Variants in MID1 observed in about 807,000 individuals in gnomAD.
The protein encoded by MID1 is midline 1.
In MID1, 7 loss-of-function variants were observed where a neutral mutation model predicts 40.4. That is an observed-to-expected ratio of 0.17 (90% CI 0.10 to 0.33). The LOEUF (loss-of-function observed/expected upper bound fraction) is 0.33, where lower values mean the gene tolerates loss of function less well. MID1 is among the 10% of genes least tolerant of loss of function. The probability of loss-of-function intolerance (pLI) is 1.00; values close to 1 mark genes in which losing one functional copy is unlikely to be tolerated. For synonymous variants in MID1, 229 were observed against 221.2 expected (o/e 1.04, Z -0.31); for missense variants, 367 against 558.5 (o/e 0.66, Z 3.46).
chrX:10,699,459 C>T (rs2043181401), intron 1 of MID1, among the ~76,000 whole-genome samples: 1 of 112,024 alleles, frequency 8.9e-6, no homozygotes, highest in Non-Finnish European at 1.9e-5. Flanking sequence ...TTTGAGAAAC[C>T]GTTCCATTGT....
intron 1 of MID1, among the ~76,000 whole-genome samples, chrX:10,680,007 A>T (rs2043048510): frequency 8.9e-6 from 1 of 112,465 alleles, no homozygotes; most frequent in Non-Finnish European, 1.9e-5. Flanking sequence ...CATGGCACTT[A>T]AAAACTTTGC....
intron 4 of MID1, among the ~76,000 whole-genome samples, chrX:10,493,394 C>T (rs6640659): frequency 0.069 from 7,704 of 111,171 alleles, 556 homozygotes; most frequent in African/African-American, 0.21. Flanking sequence ...CCTTGACTGT[C>T]GATTTTGTTT....
intron 3 of MID1, chrX:10,501,636 C>A (rs1372514404): frequency 7.0e-6 from 6 of 861,471 alleles, no homozygotes; most frequent in Non-Finnish European, 8.0e-6. Flanking sequence ...CCTGCCTAGT[C>A]CTGAGATGGA....
rs767955286 is a variant in MID1 at position 10,734,552 on chromosome X, A to T, written c.-187+99002T>A. Among the ~76,000 whole-genome samples the T allele has an allele frequency of 1.1e-4, 10 of 87,632 alleles. No homozygotes were observed. In the East Asian group the frequency reaches 2.7e-3, roughly 24 times the overall value. The allele number at this position is 87,632 out of a possible 115,157, so 76.1% of individuals were successfully genotyped here. On this transcript the variant is annotated intron_variant, in intron 1 of 10. Transcript: ENST00000380785. ...TACCCCTGAATCTAAAATAAAAGTTAAAAAAAAAAAAAGGTGAATGGCTAA... is the reference window on the plus strand; with the variant it reads ...TACCCCTGAATCTAAAATAAAAGTTTAAAAAAAAAAAAGGTGAATGGCTAA...
chrX:10,822,808 ACAGT>A (rs1569179163), intron 1 of MID1, among the ~76,000 whole-genome samples: 1 of 111,911 alleles, frequency 8.9e-6, no homozygotes, highest in Non-Finnish European at 1.9e-5. Context: ...CAACTATTAA[ACAGT>A]CAAAGAACAA....
chrX:10,704,727 T>TACACACACAC (rs1215958397), intron 1 of MID1, among the ~76,000 whole-genome samples: 12 of 84,019 alleles, frequency 1.4e-4, no homozygotes, highest in African/African-American at 6.0e-4. Context: ...TATATATATA[T>TACACACACAC]ATATATATAT....
chrX:10,499,053 C>T (rs951798221), intron 3 of MID1, among the ~76,000 whole-genome samples: 1 of 112,195 alleles, frequency 8.9e-6, no homozygotes, highest in Non-Finnish European at 1.9e-5. Context: ...ATTTTATATT[C>T]CCATCAGAAA....
intron 1 of MID1, among the ~76,000 whole-genome samples, chrX:10,821,424 C>T (rs985878451): frequency 8.9e-6 from 1 of 112,068 alleles, no homozygotes; most frequent in African/African-American, 3.2e-5. Flanking sequence ...AAGATTAAAA[C>T]AGCCTTGTCA....
intron 2 of MID1, among the ~76,000 whole-genome samples, chrX:10,560,720 G>A (rs999875413): frequency 8.1e-5 from 9 of 111,258 alleles, no homozygotes; most frequent in African/African-American, 2.9e-4. Context: ...GGAAATAAGA[G>A]AGGACACAAA....
At chrX:10,826,441 A>T (rs1402871050) in intron 1 of MID1, among the ~76,000 whole-genome samples, 2 of 112,125 alleles carry the variant, frequency 1.8e-5, no homozygotes, top group East Asian at 5.6e-4. Flanking sequence ...TTTTGTAATT[A>T]CTTTTAACTG....
Position 10,536,962 on chromosome X carries a change from A to G in MID1, c.661-13775T>C, listed in dbSNP as rs186334913. 4.2e-3 allele frequency among the ~76,000 whole-genome samples: 470 copies of G among 111,704 alleles called. 4 individuals are homozygous for G. Among genetic ancestry groups the G allele is most frequent in the African/African-American group, 0.014 (445 of 30,753 alleles). ...TGAAGAGAGAGCTAGAGAAGGTGTA[A>G]GGGGGTTATGAGCCAATGTCATGCC... is the stretch of plus-strand genomic sequence containing the variant. On this transcript the variant is annotated intron_variant, in intron 2 of 9. Transcript: ENST00000317552.
intron 1 of MID1, among the ~76,000 whole-genome samples, chrX:10,656,841 G>C (rs1385118854): frequency 9.0e-6 from 1 of 110,509 alleles, no homozygotes; most frequent in Non-Finnish European, 1.9e-5. Flanking sequence ...GCAGGCACCC[G>C]TGGAGTCTGT....
chrX:10,810,315 T>C (rs1471871424), intron 1 of MID1, among the ~76,000 whole-genome samples: 1 of 112,542 alleles, frequency 8.9e-6, no homozygotes, highest in Non-Finnish European at 1.9e-5. Context: ...TGTCTTCAAG[T>C]TTTATAGCAT....
At chrX:10,812,792 T>C (rs2044111100) in intron 1 of MID1, among the ~76,000 whole-genome samples, 1 of 111,432 alleles carries the variant, frequency 9.0e-6, no homozygotes, top group Admixed American at 9.5e-5. Flanking sequence ...TGCCCAAGTC[T>C]CCACTGAACC....
At chrX:10,553,424 C>CA (rs1434711230) in intron 2 of MID1, among the ~76,000 whole-genome samples, 3 of 111,246 alleles carry the variant, frequency 2.7e-5, no homozygotes, top group Non-Finnish European at 5.7e-5. Context: ...GAATGGATAA[C>CA]AGATCAAAAA....
At chrX:10,734,374 C>T (rs1199103338) in intron 1 of MID1, among the ~76,000 whole-genome samples, 3 of 110,274 alleles carry the variant, frequency 2.7e-5, no homozygotes, top group East Asian at 2.8e-4. Flanking sequence ...ACAACAGATA[C>T]TGGGGTCCAC....
chrX:10,522,368 T>C (rs1048738132), intron 3 of MID1, among the ~76,000 whole-genome samples: 1 of 112,315 alleles, frequency 8.9e-6, no homozygotes, highest in Non-Finnish European at 1.9e-5. Flanking sequence ...CCTAGAACCT[T>C]TGTAGGGAGC....
At chrX:10,472,461 G>T (rs1602269067) in intron 6 of MID1, among the ~76,000 whole-genome samples, 1 of 112,434 alleles carries the variant, frequency 8.9e-6, no homozygotes, top group African/African-American at 3.2e-5. Flanking sequence ...ATATGTTGTT[G>T]AAATACTATG....
chrX:10,752,540 A>T (rs1051220381), intron 1 of MID1, among the ~76,000 whole-genome samples: 1 of 111,727 alleles, frequency 9.0e-6, no homozygotes, highest in Admixed American at 9.5e-5. Flanking sequence ...TAGATAAAGC[A>T]TTGTCAATCT....
Sources: allele counts gnomAD v4.1 joint callset (sites outside exome capture counted in the v4.1 genomes callset), GRCh38; gene constraint gnomAD v4.1.1; transcripts MANE v1.5; gene names NCBI Gene and HGNC (gene_info 2026-07-23, HGNC 2026-07-21).